UBR3: variants seen among roughly 807,000 people sequenced by gnomAD.
UBR3 encodes the protein ubiquitin protein ligase E3 component n-recognin 3, also known as E3 ubiquitin-protein ligase UBR3.
A neutral mutation model predicts 243.2 loss-of-function variants in UBR3; 85 were observed. The observed-to-expected ratio is 0.35, with a 90% CI of 0.29 to 0.42. The LOEUF is 0.42. UBR3 is among the 10% of genes least tolerant of loss of function. UBR3 has a pLI of 1.00. For synonymous variants in UBR3, 748 were observed against 799.8 expected, an observed-to-expected ratio of 0.94 and a Z score of 1.09; for missense variants, 1,686 against 2,300.8, an observed-to-expected ratio of 0.73 and a Z score of 5.47.
rs1055731464 is a variant in UBR3, at chr2:169,896,815, G to C, written c.1465+80G>C. 8.6e-6 allele frequency: 8 copies of C among 933,116 alleles called. No homozygotes were observed. The Admixed American group carries it at 2.4e-4, about 27-fold the overall frequency. The allele number at this position is 933,116 out of a possible 1,614,324, so 57.8% of individuals were successfully genotyped here. On this transcript the variant is annotated intron_variant, in intron 8 of 38. Coordinates refer to ENST00000272793, the MANE Select transcript of UBR3 (RefSeq NM_172070.4). ...ATTATTAGTGTACTTCATATACTTA[G>C]TAATATTACTAATAATGATACTTAG...
At chr2:169,885,290 A>G (rs1559057783) in intron 5 of UBR3, among the ~76,000 whole-genome samples, 1 of 152,200 alleles carries the variant, frequency 6.6e-6, no homozygotes, top group Non-Finnish European at 1.5e-5. Flanking sequence ...TAACAATTAA[A>G]AGATATTTTG....
At chr2:170,073,376 G>A in intron 35 of UBR3, 52 bp from the exon 36 acceptor site, 2 of 1,601,344 alleles carry the variant, frequency 1.2e-6, no homozygotes, top group Non-Finnish European at 1.7e-6. Flanking sequence ...TTATGTAATA[G>A]GAAATGTTCT....
At chr2:169,892,809 G>T (rs996015429) in intron 6 of UBR3, among the ~76,000 whole-genome samples, 2 of 152,164 alleles carry the variant, frequency 1.3e-5, no homozygotes, top group Admixed American at 1.3e-4. Context: ...CCTCATCACT[G>T]CCTGTTCTCT....
intron 30 of UBR3, among the ~76,000 whole-genome samples, chr2:170,027,820 T>C (rs1574417920): frequency 1.3e-5 from 2 of 151,896 alleles, no homozygotes; most frequent in East Asian, 3.9e-4. Flanking sequence ...AATTTACCAA[T>C]CTTTAGTCAT....
intron 1 of UBR3, among the ~76,000 whole-genome samples, chr2:169,868,332 A>C (rs1422098298): frequency 2.6e-5 from 4 of 152,164 alleles, no homozygotes; most frequent in Non-Finnish European, 5.9e-5. Context: ...CAGGGAATTT[A>C]CTTTTTTTAA....
intron 1 of UBR3, among the ~76,000 whole-genome samples, chr2:169,865,703 G>T (rs73972639): frequency 1.5e-4 from 23 of 152,204 alleles, no homozygotes; most frequent in African/African-American, 5.5e-4. Flanking sequence ...TCAGTTTCAT[G>T]CCCAATTATG....
intron 11 of UBR3, among the ~76,000 whole-genome samples, chr2:169,921,895 G>A (rs927467169): frequency 6.6e-6 from 1 of 152,142 alleles, no homozygotes; most frequent in East Asian, 1.9e-4. Context: ...GGAGGCTGAG[G>A]CAGGAGAATT....
At chr2:170,020,401 G>A (rs1236146753) in intron 30 of UBR3, among the ~76,000 whole-genome samples, 1 of 152,196 alleles carries the variant, frequency 6.6e-6, no homozygotes, top group Admixed American at 6.5e-5. Context: ...AAGTTGGTAT[G>A]TATTTAGGGC....
In UBR3 at chr2:170,042,269, G is replaced by C. The variant is rs565738779; in HGVS notation, c.4660+1284G>C. Among the ~76,000 whole-genome samples the C allele has an allele frequency of 2.6e-5, 4 of 151,726 alleles. No individual in the cohort carries two copies. In the South Asian group the frequency reaches 8.4e-4, roughly 32 times the overall value. ...TTCCTTCACTTAGCATGTTTTCAAG[G>C]TTTATCCATGTTATGGCATGTATCA... is the stretch of plus-strand genomic sequence containing the variant. On this transcript the variant is annotated intron_variant, in intron 32 of 38. Transcript: ENST00000272793.
chr2:169,945,231 C>G (rs1361550947), intron 20 of UBR3, among the ~76,000 whole-genome samples: 2 of 150,874 alleles, frequency 1.3e-5, no homozygotes, highest in Non-Finnish European at 2.9e-5. Flanking sequence ...AAAACTAAGA[C>G]CAGAGTCTGT....
chr2:169,842,386 A>G (rs945302047), intron 1 of UBR3, among the ~76,000 whole-genome samples: 3 of 152,148 alleles, frequency 2.0e-5, no homozygotes, highest in Non-Finnish European at 4.4e-5. Context: ...CTACCAATCA[A>G]CAGGATGTGG....
chr2:169,939,117 T>C (rs2086466326), intron 19 of UBR3, among the ~76,000 whole-genome samples: 1 of 152,132 alleles, frequency 6.6e-6, no homozygotes, highest in Non-Finnish European at 1.5e-5. Flanking sequence ...TATTTGTGTT[T>C]GCTATTTCTT....
At chr2:170,073,364 T>C in intron 35 of UBR3, 64 bp from the exon 36 acceptor site, 1 of 1,588,030 alleles carries the variant, frequency 6.3e-7, no homozygotes, top group South Asian at 1.1e-5. Flanking sequence ...GAGGGTGACC[T>C]TTTATGTAAT....
intron 18 of UBR3, among the ~76,000 whole-genome samples, chr2:169,929,705 T>C (rs994953314): frequency 1.3e-5 from 2 of 152,242 alleles, no homozygotes; most frequent in African/African-American, 2.4e-5. Flanking sequence ...AGATTCATAG[T>C]TGACATCCTT....
In UBR3 at chr2:169,949,674, C is replaced by T. The variant is rs1349950295; in HGVS notation, c.3154C>T (p.Arg1052Cys). Residue 1052 changes from arginine (R) to cysteine (C), a missense_variant, in exon 23 of 39, where the codon CGC (arginine) becomes TGC (cysteine). Coordinates refer to ENST00000272793, the MANE Select transcript of UBR3 (RefSeq NM_172070.4). ...RRKKFQEIIN[R>C]SSSEANQVVR... ...AAAGAAATTTCAGGAAATCATCAATCGCAGTAGCAGTGAAGCAAATCAGGT... is the reference window on the plus strand; with the variant it reads ...AAAGAAATTTCAGGAAATCATCAATTGCAGTAGCAGTGAAGCAAATCAGGT... 9.0e-6 allele frequency: 14 copies of T among 1,550,906 alleles called. No homozygotes were observed. Among genetic ancestry groups the T allele is most frequent in the Non-Finnish European group, 1.2e-5 (14 of 1,146,580 alleles).
chr2:170,036,712 T>C (rs1033393684), intron 31 of UBR3, among the ~76,000 whole-genome samples: 6 of 152,138 alleles, frequency 3.9e-5, no homozygotes, highest in African/African-American at 1.4e-4. Flanking sequence ...TTTAAAATTA[T>C]ATGAATGATT....
Position 170,083,839 on chromosome 2 carries a change from AC to A in UBR3, c.*1997del, listed in dbSNP as rs1248370343. On this transcript the variant is annotated 3_prime_UTR_variant, in exon 39 of 39. Coordinates refer to ENST00000272793, the MANE Select transcript of UBR3 (RefSeq NM_172070.4). The stretch of plus-strand genomic sequence containing the variant: ...GGTTGAAAATTGTACTTGAATACAT[AC>A]ATGCATGCTGCTAAACTAGAACTTT... 6.6e-6 allele frequency: 1 copy of A among 152,624 alleles called. No homozygotes were observed. Among genetic ancestry groups the A allele is most frequent in the Non-Finnish European group, 1.5e-5 (1 of 68,002 alleles). The allele number at this position is 152,624 out of a possible 1,614,324, so 9.5% of individuals were successfully genotyped here.
chr2:169,856,115 CG>C (rs1268054085), intron 1 of UBR3, among the ~76,000 whole-genome samples: 1 of 144,092 alleles, frequency 6.9e-6, no homozygotes, highest in African/African-American at 2.7e-5. Flanking sequence ...ACTTCTCAGA[CG>C]GGGGCAGCCG....
At chr2:169,961,344 T>C (rs1192703454) in intron 24 of UBR3, among the ~76,000 whole-genome samples, 1 of 151,970 alleles carries the variant, frequency 6.6e-6, no homozygotes, top group East Asian at 1.9e-4. Context: ...CAAGTATATA[T>C]ATACATTTTT....
Sources: gnomAD v4.1 joint callset for allele counts (sites outside exome capture counted in the v4.1 genomes callset) on GRCh38, gnomAD v4.1.1 for gene constraint, MANE v1.5 for transcripts, NCBI Gene and HGNC (gene_info 2026-07-23, HGNC 2026-07-21) for gene names.